The following MIDEAS variants were observed in gnomAD, a reference collection of about 807,000 sequenced individuals.
MIDEAS encodes mitotic deacetylase associated SANT domain protein, also known as mitotic deacetylase-associated SANT domain protein.
Under a neutral mutation model 102.7 loss-of-function variants are expected in MIDEAS, and 26 were observed. The ratio of observed to expected loss-of-function variants is 0.25; its 90% CI spans 0.19 to 0.35. The LOEUF is 0.35. Among genes scored for constraint, MIDEAS ranks in the 10% least tolerant of loss-of-function variants. The probability of loss-of-function intolerance (pLI) is 1.00; values close to 1 mark genes in which losing one functional copy is unlikely to be tolerated. For synonymous variants in MIDEAS, 585 were observed against 591.0 expected (o/e 0.99, Z 0.15); for missense variants, 1,231 against 1,435.6 (o/e 0.86, Z 2.30).
At chr14:73,764,916 T>C (rs1265703586), upstream of MIDEAS, among the ~76,000 whole-genome samples, 2 of 151,818 alleles carry the variant, frequency 1.3e-5, no homozygotes, top group Non-Finnish European at 2.9e-5. Context: ...CCTCTGTACA[T>C]GTCCCCAGTT....
At chr14:73,724,117 C>T (rs1228975607) in intron 9 of MIDEAS, 1 of 152,208 alleles carries the variant, frequency 6.6e-6, no homozygotes, top group Non-Finnish European at 1.5e-5. Context: ...CTCCAGGGAC[C>T]TGCCTCTCAA....
At chr14:73,722,475 G>A (rs972138345) in intron 10 of MIDEAS, 1 of 392,406 alleles carries the variant, frequency 2.5e-6, no homozygotes, top group African/African-American at 2.0e-5. Flanking sequence ...TGAATCTTGT[G>A]GGAAAATTAC....
intron 1 of MIDEAS, among the ~76,000 whole-genome samples, chr14:73,752,771 T>C (rs1339147817): frequency 1.3e-5 from 2 of 152,214 alleles, no homozygotes; most frequent in Non-Finnish European, 2.9e-5. Flanking sequence ...CTCCAGTCTC[T>C]GAGCAGCTGC....
At position 73,722,744 on chromosome 14, in the gene MIDEAS, G is replaced by A. The variant is rs148804472; in HGVS notation, c.2678C>T (p.Thr893Met). 401 of 1,614,120 alleles carry A rather than the reference G, an allele frequency of 2.5e-4. No individual in the cohort carries two copies. Among genetic ancestry groups the A allele is most frequent in the Admixed American group, 7.5e-4 (45 of 60,028 alleles). Reference sequence around the variant, plus strand: ...TTCCTGGGCCGACTTCTCATCGCTCGTATCCACATCCCCAAAGGTTAGAGT... The same window carrying A: ...TTCCTGGGCCGACTTCTCATCGCTCATATCCACATCCCCAAAGGTTAGAGT... ...NGTLTFGDVD[T>M]SDEKSAQEEV... Residue 893 changes from threonine to methionine, a missense_variant, in exon 10 of 13, where the codon ACG becomes ATG. This residue lies in a region of MIDEAS where 391 missense variants were observed against 483.0 expected (regional missense o/e 0.81). Transcript: ENST00000423556.
chr14:73,766,453 C>T (rs1395176312), intron 1 of MIDEAS, among the ~76,000 whole-genome samples: 1 of 152,218 alleles, frequency 6.6e-6, no homozygotes, highest in East Asian at 1.9e-4. Context: ...TTCTAAGATA[C>T]ACATTTCCTC....
At chr14:73,755,052 C>T (rs1015299367) in intron 1 of MIDEAS, 4 of 152,344 alleles carry the variant, frequency 2.6e-5, no homozygotes. Context: ...TTTCCCCACT[C>T]TCCTTCCTTC....
rs553322802 is a variant in MIDEAS, at chr14:73,759,233, C to T, written c.-248+530G>A. ...TGGACGCCGCGTCCAGGCCCACTTT[C>T]CCGTGCACGCTGGCAGGGGAAGGGG... On this transcript the variant is annotated intron_variant, in intron 1 of 12. Coordinates refer to ENST00000423556, the MANE Select transcript of MIDEAS (RefSeq NM_001367710.1). This position sits in a 1 kb window ranked among gnomAD's most constrained non-coding sequence, Gnocchi z 6.7. Among the ~76,000 whole-genome samples the T allele has an allele frequency of 6.6e-6, 1 of 152,326 alleles. No individual in the cohort carries two copies. The highest frequency in any genetic ancestry group is 2.1e-4 in the South Asian group (1 of 4,834).
At chr14:73,780,602 T>G (rs1235455973) in intron 1 of MIDEAS, among the ~76,000 whole-genome samples, 1 of 152,230 alleles carries the variant, frequency 6.6e-6, no homozygotes, top group Non-Finnish European at 1.5e-5. Flanking sequence ...TTGACAGCAC[T>G]GCAGCTGTTC....
intron 1 of MIDEAS, among the ~76,000 whole-genome samples, chr14:73,772,889 G>C (rs750247279): frequency 6.6e-6 from 1 of 151,118 alleles, no homozygotes; most frequent in South Asian, 2.1e-4. Context: ...GCCCAGGCTG[G>C]AGTGCAGTGG....
intron 1 of MIDEAS, among the ~76,000 whole-genome samples, chr14:73,768,932 A>G (rs1300295847): frequency 6.6e-6 from 1 of 151,992 alleles, no homozygotes; most frequent in African/African-American, 2.4e-5. Context: ...AGACTTTCCA[A>G]TTTTCCAAAG....
chr14:73,755,783 A>G (rs11627539), intron 1 of MIDEAS, among the ~76,000 whole-genome samples: 26,047 of 152,204 alleles, frequency 0.17, 2,455 homozygotes, highest in Middle Eastern at 0.29. Flanking sequence ...GTGGCCTGGT[A>G]GATTGCTTTC....
intron 1 of MIDEAS, among the ~76,000 whole-genome samples, chr14:73,747,930 C>G (rs2053374182): frequency 6.6e-6 from 1 of 152,160 alleles, no homozygotes; most frequent in East Asian, 1.9e-4. Flanking sequence ...TCAGCCAGTC[C>G]TAGGGTTAAC....
At chr14:73,752,871 G>A (rs2053437965) in intron 1 of MIDEAS, among the ~76,000 whole-genome samples, 1 of 152,210 alleles carries the variant, frequency 6.6e-6, no homozygotes, top group Non-Finnish European at 1.5e-5. Flanking sequence ...GCACAGCAGA[G>A]CATCCAGCCC....
At chr14:73,751,904 AAAAT>A (rs1297699354) in intron 1 of MIDEAS, among the ~76,000 whole-genome samples, 10 of 152,128 alleles carry the variant, frequency 6.6e-5, no homozygotes, top group African/African-American at 9.7e-5. Flanking sequence ...CTGTCTCAAA[AAAAT>A]AAATAAAGTC....
chr14:73,782,616 C>G (rs1201278846), intron 1 of MIDEAS, among the ~76,000 whole-genome samples: 2 of 152,216 alleles, frequency 1.3e-5, no homozygotes, highest in Admixed American at 6.5e-5. Context: ...TGGCATAAGC[C>G]ACCGCACCTG....
rs2052930193 is a variant in MIDEAS at position 73,718,629 on chromosome 14, A to C, written c.*214T>G. On this transcript the variant is annotated 3_prime_UTR_variant, in exon 13 of 13. Transcript: ENST00000423556. ...CACGAGGACAGCTTCCGACAGACCA[A>C]ATGCAAAGAGAGCTGGATCCTGGAG... 1 of 438,340 alleles carries C rather than the reference A, an allele frequency of 2.3e-6. No homozygotes were observed. The allele number at this position is 438,340 out of a possible 1,614,324, so 27.2% of individuals were successfully genotyped here. A position where few individuals can be genotyped will look rare whatever the true frequency, so the allele number is the denominator to read the frequency against.
intron 1 of MIDEAS, among the ~76,000 whole-genome samples, chr14:73,746,514 T>C (rs1428598777): frequency 6.6e-6 from 1 of 152,172 alleles, no homozygotes; most frequent in Non-Finnish European, 1.5e-5. Flanking sequence ...TGAGGCCCTC[T>C]GGTGAGGGCC....
intron 1 of MIDEAS, among the ~76,000 whole-genome samples, chr14:73,755,817 A>G (rs1261297336): frequency 1.3e-5 from 2 of 152,116 alleles, no homozygotes; most frequent in African/African-American, 4.8e-5. Flanking sequence ...GACACCCTTC[A>G]TTTTCTCTTC....
chr14:73,719,118 C>T (rs564818217), intron 12 of MIDEAS, 110 bp from the exon 13 acceptor site: 3 of 1,461,294 alleles, frequency 2.1e-6, no homozygotes, highest in Admixed American at 4.9e-5. Flanking sequence ...TGCACAGCCG[C>T]GGCCGGCCAG....
Sources: allele counts gnomAD v4.1 joint callset (sites outside exome capture counted in the v4.1 genomes callset), GRCh38; gene constraint gnomAD v4.1.1; regional missense constraint gnomAD v4.1.1; non-coding constraint Gnocchi (gnomAD v3.1); transcripts MANE v1.5; gene names NCBI Gene and HGNC (gene_info 2026-07-23, HGNC 2026-07-21).